Variants in ANKRD36 observed in about 807,000 individuals in gnomAD.
The protein encoded by ANKRD36 is ankyrin repeat domain 36, also known as ankyrin repeat domain-containing protein 36A.
ANKRD36 carries 179 observed loss-of-function variants against 278.1 expected under a neutral mutation model. The ratio of observed to expected loss-of-function variants is 0.64; its 90% CI spans 0.57 to 0.73. The LOEUF is 0.73. ANKRD36 is among the 30% of genes least tolerant of loss of function. The pLI, the probability that ANKRD36 is intolerant of heterozygous loss-of-function variation, is 0.00. For synonymous variants in ANKRD36, 320 were observed against 641.1 expected (o/e 0.50, Z 7.57); for missense variants, 1,159 against 1,956.7 (o/e 0.59, Z 7.69).
At chr2:97,174,106 T>C (rs201052648) in intron 22 of ANKRD36, among the ~76,000 whole-genome samples, 1 of 151,396 alleles carries the variant, frequency 6.6e-6, no homozygotes, top group Non-Finnish European at 1.5e-5. Context: ...TCTAGTGATT[T>C]AGAAACTTTG....
intron 22 of ANKRD36, among the ~76,000 whole-genome samples, chr2:97,173,402 G>A (rs1341042608): frequency 1.3e-5 from 2 of 151,808 alleles, no homozygotes; most frequent in African/African-American, 4.8e-5. Context: ...TCAAACCGAT[G>A]TGAGTGAAGA....
intron 66 of ANKRD36, among the ~76,000 whole-genome samples, chr2:97,223,398 C>G (rs2068346398): frequency 6.6e-6 from 1 of 151,706 alleles, no homozygotes; most frequent in South Asian, 2.1e-4. Flanking sequence ...CACACCCAGC[C>G]TATACACTAT....
intron 69 of ANKRD36, among the ~76,000 whole-genome samples, chr2:97,243,154 C>T (rs1174789678): frequency 1.4e-5 from 2 of 142,252 alleles, no homozygotes; most frequent in Non-Finnish European, 3.2e-5. Context: ...CTCAGGAGGT[C>T]CTGAGAACAT....
At position 97,115,756 on chromosome 2, in the gene ANKRD36, C is replaced by G. The variant is rs192194486; in HGVS notation, c.197+1820C>G. On this transcript the variant is annotated intron_variant, in intron 1 of 75. Coordinates refer to ENST00000420699, the MANE Select transcript of ANKRD36 (RefSeq NM_001354587.1). ...AGACAATTTTTTGGTAAGTATCACA[C>G]TGTAAAAATGTATGTGCCCTTCACC... 4.5e-3 allele frequency among the ~76,000 whole-genome samples: 684 copies of G among 151,612 alleles called. 6 individuals are homozygous for G. Among genetic ancestry groups the G allele is most frequent in the African/African-American group, 0.016 (648 of 41,354 alleles).
At chr2:97,159,373 A>T (rs958151190) in intron 17 of ANKRD36, among the ~76,000 whole-genome samples, 1 of 152,098 alleles carries the variant, frequency 6.6e-6, no homozygotes, top group Non-Finnish European at 1.5e-5. Context: ...CCCTCATTAG[A>T]TTATATAGAT....
rs566095985 is a variant in ANKRD36, at chr2:97,186,186, A to G, written c.2041+676A>G. Among the ~76,000 whole-genome samples, 374 of 151,918 alleles carry G rather than the reference A, an allele frequency of 2.5e-3. 6 individuals carry two copies. The highest frequency in any genetic ancestry group is 8.8e-3 in the African/African-American group (366 of 41,470). On this transcript the variant is annotated intron_variant, in intron 30 of 75. Coordinates refer to ENST00000420699, the MANE Select transcript of ANKRD36 (RefSeq NM_001354587.1). ...TTACTTCTGTTTGCTACTATTAGGCATAAGACATATATCTTTTGTTGATTT... is the reference window on the plus strand; with the variant it reads ...TTACTTCTGTTTGCTACTATTAGGCGTAAGACATATATCTTTTGTTGATTT...
chr2:97,211,620 T>C (rs2064638988), intron 57 of ANKRD36, 46 bp downstream of exon 57: 6 of 1,596,434 alleles, frequency 3.8e-6, no homozygotes, highest in Non-Finnish European at 5.1e-6. Context: ...CTGTATAGTA[T>C]ATGAAATATA....
At chr2:97,260,347 GATATATATATATATATATATAT>G (rs71218080) in intron 75 of ANKRD36, among the ~76,000 whole-genome samples, 4 of 117,646 alleles carry the variant, frequency 3.4e-5, no homozygotes, top group Non-Finnish European at 5.0e-5. Context: ...TATTTTAAAA[GATATATATATATATATATATAT>G]ATATATATAT....
chr2:97,154,788 T>G, intron 15 of ANKRD36, 47 bp downstream of exon 15: 1 of 1,386,750 alleles, frequency 7.2e-7, no homozygotes, highest in Non-Finnish European at 9.8e-7. Flanking sequence ...TGAATCTCAT[T>G]TTTTGTATTA....
In ANKRD36 at chr2:97,220,882, G is replaced by A. The variant is rs1458574867; in HGVS notation, c.3877+1636G>A. Among the ~76,000 whole-genome samples, 13 of 145,324 alleles carry A rather than the reference G, an allele frequency of 8.9e-5. 1 individual carries two copies. The highest frequency in any genetic ancestry group is 4.3e-4 in the East Asian group (2 of 4,600). ...ATGCTGGTGCGCTGCACCCACTAAC[G>A]TGTCATCTAGCATTAGGTATATCTC... On this transcript the variant is annotated intron_variant, in intron 66 of 75. Coordinates refer to ENST00000420699, the MANE Select transcript of ANKRD36 (RefSeq NM_001354587.1).
chr2:97,220,568 A>T (rs1415821921), intron 66 of ANKRD36, among the ~76,000 whole-genome samples: 2 of 151,430 alleles, frequency 1.3e-5, no homozygotes, highest in East Asian at 2.0e-4. Context: ...GAATGAGAGG[A>T]TCTTATTCTT....
intron 67 of ANKRD36, among the ~76,000 whole-genome samples, chr2:97,228,499 G>T (rs1225048588): frequency 1.3e-3 from 196 of 151,948 alleles, no homozygotes; most frequent in Non-Finnish European, 1.6e-4. Flanking sequence ...TTATCATTTT[G>T]TATTGCATCT....
chr2:97,131,399 C>G (rs1421133310), intron 6 of ANKRD36, among the ~76,000 whole-genome samples: 1 of 151,974 alleles, frequency 6.6e-6, no homozygotes, highest in Non-Finnish European at 1.5e-5. Context: ...GGGTCTCTCT[C>G]TCTTACCCAG....
chr2:97,161,583 G>T (rs2048896592), intron 17 of ANKRD36, among the ~76,000 whole-genome samples: 1 of 152,132 alleles, frequency 6.6e-6, no homozygotes, highest in Non-Finnish European at 1.5e-5. Context: ...CTCATTACAC[G>T]AAAGAAACAT....
chr2:97,172,030 A>C (rs1229238267), intron 22 of ANKRD36, among the ~76,000 whole-genome samples: 1 of 152,014 alleles, frequency 6.6e-6, no homozygotes, highest in Non-Finnish European at 1.5e-5. Flanking sequence ...ACTCTTTGGT[A>C]GACACAGCCT....
chr2:97,252,656 T>C (rs1158864772), intron 75 of ANKRD36, among the ~76,000 whole-genome samples: 3 of 140,988 alleles, frequency 2.1e-5, no homozygotes, highest in African/African-American at 7.7e-5. Context: ...TTAGTAGAGA[T>C]GGAGTTTCTC....
At position 97,245,814 on chromosome 2, in the gene ANKRD36, CA is replaced by C; in HGVS notation, c.5150del (p.Gln1717ArgfsTer7). 8 of 592,098 alleles carry C rather than the reference CA, an allele frequency of 1.4e-5. No homozygotes were observed. The Middle Eastern group carries it at 1.8e-3, about 130-fold the overall frequency. 36.7% of individuals were successfully genotyped at this position (592,098 alleles called of 1,614,324 possible). A position where few individuals can be genotyped will look rare whatever the true frequency, so the allele number is the denominator to read the frequency against. On this transcript the variant is annotated frameshift_variant, in exon 71 of 76. Transcript: ENST00000420699. LOFTEE classifies it high-confidence loss of function. ...TACAATGGAAAAATGCATAGAAAAACAGGAAAGATTTTGTCAACTAAAAAAA... is the reference window on the plus strand; with the variant it reads ...TACAATGGAAAAATGCATAGAAAAACGGAAAGATTTTGTCAACTAAAAAAA... ...YNTMEKCIEK[Q>X]ERFCQLKKQN...
intron 1 of ANKRD36, among the ~76,000 whole-genome samples, chr2:97,115,626 TA>T (rs1294230485): frequency 7.8e-6 from 1 of 128,386 alleles, no homozygotes; most frequent in East Asian, 2.3e-4. Flanking sequence ...GTATTTAAGT[TA>T]AAAAAGGAAT....
chr2:97,195,100 A>G (rs2059410735), intron 40 of ANKRD36, among the ~76,000 whole-genome samples, 183 bp downstream of exon 40: 2 of 151,968 alleles, frequency 1.3e-5, no homozygotes, highest in South Asian at 2.1e-4. Context: ...TCTTCACTGT[A>G]AGATTATACG....
Sources: gnomAD v4.1 joint callset for allele counts (sites outside exome capture counted in the v4.1 genomes callset) on GRCh38, gnomAD v4.1.1 for gene constraint, MANE v1.5 for transcripts, NCBI Gene and HGNC (gene_info 2026-07-23, HGNC 2026-07-21) for gene names.